The following ITPR3 variants were observed in gnomAD, a reference collection of about 807,000 sequenced individuals.
ITPR3 encodes inositol 1,4,5-trisphosphate-gated calcium channel ITPR3.
ITPR3 carries 173 observed loss-of-function variants against 293.2 expected under a neutral mutation model. That is an observed-to-expected ratio of 0.59 (90% CI 0.52 to 0.67). The LOEUF (loss-of-function observed/expected upper bound fraction) is 0.67, where lower values mean the gene tolerates loss of function less well. Ranked by LOEUF, ITPR3 falls within the 30% of genes least tolerant of loss-of-function variation. The probability of loss-of-function intolerance (pLI) is 0.00; values close to 1 mark genes in which losing one functional copy is unlikely to be tolerated. For synonymous variants in ITPR3, 1,295 were observed against 1,444.4 expected (o/e 0.90, Z 2.35); for missense variants, 2,796 against 3,592.1 (o/e 0.78, Z 5.66).
rs530888502 is a variant in ITPR3, at chr6:33,685,759, G to T, written c.5599G>T (p.Val1867Leu). Residue 1867 changes from valine to leucine, a missense_variant, in exon 41 of 58, where the codon GTG becomes TTG. Physicochemically the swap from Val to Leu is conservative, Grantham distance 32. This residue lies in a region of ITPR3 where 704 missense variants were observed against 797.5 expected (regional missense o/e 0.88). Transcript: ENST00000605930. Reference sequence around the variant, plus strand: ...GCAGAGCAGTGAGATGGGCACATCCGTGCTCATCATGCAGCCCATCCTGCG... The same window carrying T: ...GCAGAGCAGTGAGATGGGCACATCCTTGCTCATCATGCAGCCCATCCTGCG... ...RVQSSEMGTS[V>L]LIMQPILRFL... 6.9e-6 allele frequency: 11 copies of T among 1,604,490 alleles called. No individual in the cohort carries two copies. Among genetic ancestry groups the T allele is most frequent in the Admixed American group, 3.4e-5 (2 of 59,458 alleles).
intron 55 of ITPR3, among the ~76,000 whole-genome samples, chr6:33,693,158 C>T (rs1765440046): frequency 6.6e-6 from 1 of 152,220 alleles, no homozygotes; most frequent in Non-Finnish European, 1.5e-5. Flanking sequence ...AGCTTCTGGT[C>T]TCAGTCCAGT....
chr6:33,659,042 A>T lies in ITPR3; in HGVS notation c.550A>T (p.Ile184Phe). 6.2e-7 allele frequency: 1 copy of T among 1,613,996 alleles called. No individual in the cohort carries two copies. Residue 184 changes from isoleucine (I) to phenylalanine (F), a missense_variant, in exon 6 of 58, where the codon ATC (isoleucine) becomes TTC (phenylalanine). Physicochemically the swap from Ile to Phe is conservative, Grantham distance 21. Around this residue, in one of 8 missense-constraint regions of ITPR3, gnomAD observed 144 missense variants for 230.8 expected, o/e 0.62. Transcript: ENST00000605930. ...TCAGGTGGTCGTGGGGGACAAGGTG[A>T]TCCTGAATCCTGTCAATGCCGGGCA... Reference protein sequence around the residue: ...GDNVVVGDKVILNPVNAGQPL... With the variant: ...GDNVVVGDKVFLNPVNAGQPL...
chr6:33,673,384 G>A (rs1764819475), intron 22 of ITPR3, among the ~76,000 whole-genome samples: 1 of 149,858 alleles, frequency 6.7e-6, no homozygotes, highest in South Asian at 2.1e-4. Context: ...TGGGGAGAGG[G>A]CACCCTGGGC....
chr6:33,640,652 AT>A, intron 2 of ITPR3, 98 bp downstream of exon 2: 1 of 1,034,750 alleles, frequency 9.7e-7, no homozygotes, highest in Non-Finnish European at 1.4e-6. Context: ...CAGTGGCTGG[AT>A]TAGATGTGGC....
At chr6:33,677,147 C>G in intron 27 of ITPR3, 58 bp downstream of exon 27, 5 of 1,479,032 alleles carry the variant, frequency 3.4e-6, no homozygotes, top group East Asian at 2.3e-5. Flanking sequence ...CCTGGGGGCT[C>G]CCGCTGGCCC....
chr6:33,677,370 G>C, intron 27 of ITPR3, 134 bp from the exon 28 acceptor site: 1 of 1,224,662 alleles, frequency 8.2e-7, no homozygotes, highest in East Asian at 2.4e-5. Flanking sequence ...CTGTTGCAAG[G>C]GTCTGATTCA....
chr6:33,687,589 G>A lies in ITPR3; in HGVS notation c.6264+25G>A. The A allele has an allele frequency of 1.9e-6, 3 of 1,565,336 alleles. No individual in the cohort carries two copies. Among genetic ancestry groups the A allele is most frequent in the Non-Finnish European group, 2.6e-6 (3 of 1,142,364 alleles). On this transcript the variant is annotated intron_variant, in intron 46 of 57. Transcript: ENST00000605930. This position sits in a 1 kb window ranked among gnomAD's most constrained non-coding sequence, Gnocchi z 5.3. ...GGTGGGTGCTGGCCCCGAGACTGGG[G>A]TGGGGGTGGGGCCTGGAACCCAGGG...
chr6:33,683,102 G>T lies in ITPR3; in HGVS notation c.4598-105G>T. 1 of 817,370 alleles carries T rather than the reference G, an allele frequency of 1.2e-6. No homozygotes were observed. Among genetic ancestry groups the T allele is most frequent in the Non-Finnish European group, 1.8e-6 (1 of 553,870 alleles). 50.6% of individuals were successfully genotyped at this position (817,370 alleles called of 1,614,324 possible). A position where few individuals can be genotyped will look rare whatever the true frequency, so the allele number is the denominator to read the frequency against. The stretch of plus-strand genomic sequence containing the variant: ...GGGGGTCTCTGTCTCCCAGACCCTT[G>T]GTCTAGTTCACTCTGTCTCCTGGTG... On this transcript the variant is annotated intron_variant, in intron 34 of 57. Coordinates refer to ENST00000605930, the MANE Select transcript of ITPR3 (RefSeq NM_002224.4). This position sits in a 1 kb window ranked among gnomAD's most constrained non-coding sequence, Gnocchi z 4.5.
intron 6 of ITPR3, 87 bp downstream of exon 6, chr6:33,659,206 T>G: frequency 7.7e-7 from 1 of 1,290,654 alleles, no homozygotes; most frequent in Non-Finnish European, 1.1e-6. Flanking sequence ...CCATGGTCTC[T>G]GCCTCCAGCC....
chr6:33,664,112 G>A lies in ITPR3; in HGVS notation c.1148+232G>A, dbSNP rs1351104358. 2.0e-5 allele frequency among the ~76,000 whole-genome samples: 3 copies of A among 152,230 alleles called. No individual in the cohort carries two copies. Among genetic ancestry groups the A allele is most frequent in the African/African-American group, 7.2e-5 (3 of 41,454 alleles). ...TGCCCCAGTTGGTCTGGGTGCTCAA[G>A]CACAGGCTGCATGGCAGTTTGTCTA... On this transcript the variant is annotated intron_variant, in intron 11 of 57. Transcript: ENST00000605930. The surrounding 1 kb of genome is among the most constrained non-coding windows in gnomAD (Gnocchi z 4.4).
chr6:33,694,703 GTCAGCC>G, intron 56 of ITPR3: 1 of 553,952 alleles, frequency 1.8e-6, no homozygotes, highest in Non-Finnish European at 3.2e-6. Context: ...CCTAACGGAA[GTCAGCC>G]TGTCTCGGTG....
intron 56 of ITPR3, 162 bp from the exon 57 acceptor site, chr6:33,694,762 C>T: frequency 1.2e-6 from 1 of 861,650 alleles, no homozygotes. Flanking sequence ...TCACTCTGGC[C>T]CCGGGGAGGA....
At chr6:33,629,206 T>C in intron 1 of ITPR3, among the ~76,000 whole-genome samples, 1 of 38,976 alleles carries the variant, frequency 2.6e-5, no homozygotes, top group Non-Finnish European at 5.3e-5. Flanking sequence ...AAGTATTTTA[T>C]GATAAATTAC....
Position 33,665,856 on chromosome 6 carries a change from A to G in ITPR3, c.1431A>G (p.Glu477=). The G allele has an allele frequency of 6.2e-7, 1 of 1,614,110 alleles. No homozygotes were observed. The highest frequency in any genetic ancestry group is 8.5e-7 in the Non-Finnish European group (1 of 1,179,946). The change falls in exon 14 of 58, where the codon GAA becomes GAG. Residue 477 remains glutamate, a synonymous_variant. Coordinates refer to ENST00000605930, the MANE Select transcript of ITPR3 (RefSeq NM_002224.4). The stretch of plus-strand genomic sequence containing the variant: ...CCAGGTTTGTCATCCAGCTGCTGGA[A>G]GACCTGGTGTTCTTTGTCAGCGATG... ...NDRRFVIQLL[E]DLVFFVSDVP...
rs1317216760 is a variant in ITPR3, at chr6:33,670,834, A to G, written c.2586+19A>G. On this transcript the variant is annotated intron_variant, in intron 20 of 57. Transcript: ENST00000605930. The surrounding 1 kb of genome is among the most constrained non-coding windows in gnomAD (Gnocchi z 6.7). ...TTTTGAGGTGGCTGGGGGAGTGCCC[A>G]GGGGCTGGGGGTCCGTGGAGCTCTT... The G allele has an allele frequency of 6.2e-7, 1 of 1,611,352 alleles. No individual in the cohort carries two copies. The highest frequency in any genetic ancestry group is 1.7e-5 in the Admixed American group (1 of 60,002).
Position 33,627,284 on chromosome 6 carries a change from A to G in ITPR3, c.89+5593A>G, listed in dbSNP as rs181469197. Among the ~76,000 whole-genome samples the G allele has an allele frequency of 3.9e-5, 6 of 152,366 alleles. No homozygotes were observed. In the East Asian group the frequency reaches 9.6e-4, roughly 24 times the overall value. ...GGAGAAAATGTGAAAAACTCAAAAA[A>G]ATGATCTGTAATACCACTATGGCTT... is the stretch of plus-strand genomic sequence containing the variant. On this transcript the variant is annotated intron_variant, in intron 1 of 57. Transcript: ENST00000605930.
At chr6:33,645,149 A>G (rs1430985680) in intron 2 of ITPR3, among the ~76,000 whole-genome samples, 1 of 151,492 alleles carries the variant, frequency 6.6e-6, no homozygotes, top group Non-Finnish European at 1.5e-5. Flanking sequence ...CCAGGCCAAC[A>G]TGGTGAAACC....
chr6:33,640,496 C>T lies in ITPR3; in HGVS notation c.102C>T (p.Asp34=), dbSNP rs1419981911. 12 of 1,613,542 alleles carry T rather than the reference C, an allele frequency of 7.4e-6. No homozygotes were observed. Among genetic ancestry groups the T allele is most frequent in the Non-Finnish European group, 1.0e-5 (12 of 1,179,776 alleles). ...GFISTLGLVD[D]RCVVEPAAGD... ...CTTTGTTCCCCAGGCTGGTGGATGA[C>T]CGCTGTGTGGTGGAGCCCGCGGCCG... Residue 34 remains aspartate (D), a synonymous_variant, in exon 2 of 58, where the codon GAC becomes GAT. Coordinates refer to ENST00000605930, the MANE Select transcript of ITPR3 (RefSeq NM_002224.4).
intron 7 of ITPR3, 109 bp from the exon 8 acceptor site, chr6:33,662,419 G>A: frequency 7.8e-7 from 1 of 1,287,858 alleles, no homozygotes; most frequent in Non-Finnish European, 1.1e-6. Flanking sequence ...CTGGAAGAGG[G>A]GCCCTGCCAG....
Sources: gnomAD v4.1 joint callset for allele counts (sites outside exome capture counted in the v4.1 genomes callset) on GRCh38, gnomAD v4.1.1 for gene constraint, gnomAD v4.1.1 regional missense constraint, Gnocchi (gnomAD v3.1) non-coding constraint, MANE v1.5 for transcripts, NCBI Gene and HGNC (gene_info 2026-07-23, HGNC 2026-07-21) for gene names.